GALNT13: variants seen among roughly 807,000 people sequenced by gnomAD.
The protein encoded by GALNT13 is UDP-GalNAc:polypeptide N-acetylgalactosaminyltransferase 13.
In GALNT13, 28 loss-of-function variants were observed where a neutral mutation model predicts 64.2. The ratio of observed to expected loss-of-function variants is 0.44; its 90% CI spans 0.32 to 0.60. The LOEUF is 0.60. GALNT13 is among the 20% of genes least tolerant of loss of function. The pLI is 0.05. For synonymous variants in GALNT13, 214 were observed against 224.6 expected (o/e 0.95, Z 0.42); for missense variants, 577 against 669.8 (o/e 0.86, Z 1.53).
At chr2:153,801,516 G>A in the GALNT13 span, among the ~76,000 whole-genome samples, 1 of 152,058 alleles carries the variant, frequency 6.6e-6, no homozygotes, top group Non-Finnish European at 1.5e-5. Context: ...GCTGGTAGGT[G>A]GAGAAGTCAG....
At chr2:153,172,807 A>G in the GALNT13 span, among the ~76,000 whole-genome samples, 3 of 152,210 alleles carry the variant, frequency 2.0e-5, no homozygotes, top group Non-Finnish European at 4.4e-5. Flanking sequence ...AGGGTAAGGT[A>G]ATCTGAAAAA....
the GALNT13 span, among the ~76,000 whole-genome samples, chr2:153,764,962 A>C: frequency 6.6e-6 from 1 of 152,226 alleles, no homozygotes; most frequent in African/African-American, 2.4e-5. Flanking sequence ...CTGCAGGTGC[A>C]CAGAAGTCAA....
At chr2:153,590,064 GT>G in the GALNT13 span, among the ~76,000 whole-genome samples, 21 of 152,094 alleles carry the variant, frequency 1.4e-4, no homozygotes, top group Non-Finnish European at 5.9e-5. Flanking sequence ...AATAAAGGTA[GT>G]TTTTTAAAAG....
intron 9 of GALNT13, among the ~76,000 whole-genome samples, chr2:154,393,507 C>T (rs1025779685): frequency 6.6e-6 from 1 of 152,154 alleles, no homozygotes; most frequent in East Asian, 1.9e-4. Flanking sequence ...TAATATGTCT[C>T]ACTTCTAAGA....
the GALNT13 span, among the ~76,000 whole-genome samples, chr2:153,678,519 GC>G: frequency 6.6e-6 from 1 of 151,964 alleles, no homozygotes; most frequent in Non-Finnish European, 1.5e-5. Context: ...AGACATGGGG[GC>G]CTACTTGAAG....
chr2:153,243,105 T>C, the GALNT13 span, among the ~76,000 whole-genome samples: 1 of 152,278 alleles, frequency 6.6e-6, no homozygotes, highest in Middle Eastern at 3.4e-3. Flanking sequence ...AGCATGCTCT[T>C]GGTCACCTGG....
chr2:154,153,838 C>G (rs1486791462), intron 4 of GALNT13, among the ~76,000 whole-genome samples: 1 of 152,202 alleles, frequency 6.6e-6, no homozygotes, highest in Non-Finnish European at 1.5e-5. Context: ...ATCTGTCACC[C>G]CTTTCTTTGA....
At chr2:153,327,191 C>T in the GALNT13 span, among the ~76,000 whole-genome samples, 5 of 152,140 alleles carry the variant, frequency 3.3e-5, no homozygotes, top group Non-Finnish European at 7.3e-5. Context: ...GATGGGCTTC[C>T]CTCTGTGGGT....
chr2:153,439,982 C>T, the GALNT13 span, among the ~76,000 whole-genome samples: 1 of 152,076 alleles, frequency 6.6e-6, no homozygotes, highest in South Asian at 2.1e-4. Flanking sequence ...TTAAAACATA[C>T]TTTTAGTTCT....
rs115296444 is a variant in GALNT13, at chr2:154,332,589, T to C, written c.1156+31000T>C. On this transcript the variant is annotated intron_variant, in intron 9 of 12. Coordinates refer to ENST00000392825, the MANE Select transcript of GALNT13 (RefSeq NM_052917.4). ...TGAAACCACAAGTTGAGGAACCTCT[T>C]TATAAGACACCTACCTCTTCTAGTT... 7.0e-3 allele frequency among the ~76,000 whole-genome samples: 1,069 copies of C among 152,226 alleles called. 12 individuals carry two copies. The highest frequency in any genetic ancestry group is 0.025 in the African/African-American group (1,021 of 41,580).
At chr2:154,252,770 GATAGATAGATA>G (rs1267234903) in intron 7 of GALNT13, among the ~76,000 whole-genome samples, 2 of 137,082 alleles carry the variant, frequency 1.5e-5, no homozygotes, top group Non-Finnish European at 3.3e-5. Context: ...TAGATAGATA[GATAGATAGATA>G]ATAGATAAGG....
chr2:154,287,257 C>A, intron 8 of GALNT13: 2 of 866,186 alleles, frequency 2.3e-6, no homozygotes, highest in Non-Finnish European at 3.9e-6. Context: ...TTGCCGACGG[C>A]AACTCCAAGA....
At chr2:153,884,724 GC>G (rs1687016542) in intron 1 of GALNT13, among the ~76,000 whole-genome samples, 1 of 148,812 alleles carries the variant, frequency 6.7e-6, no homozygotes, top group Non-Finnish European at 1.5e-5. Flanking sequence ...TTCAAGACCA[GC>G]CTGGCCAACA....
intron 3 of GALNT13, among the ~76,000 whole-genome samples, chr2:153,953,473 CAAAG>C (rs1199764546): frequency 6.6e-6 from 1 of 152,012 alleles, no homozygotes; most frequent in African/African-American, 2.4e-5. Flanking sequence ...GGAACTGAGA[CAAAG>C]AGAGGGTAAA....
chr2:153,481,964 G>C, the GALNT13 span, among the ~76,000 whole-genome samples: 7 of 152,148 alleles, frequency 4.6e-5, no homozygotes, highest in Non-Finnish European at 8.8e-5. Flanking sequence ...ATGTAAGCAG[G>C]AGTAAGAGTA....
At chr2:154,434,042 G>C (rs1700822290) in intron 11 of GALNT13, among the ~76,000 whole-genome samples, 1 of 152,148 alleles carries the variant, frequency 6.6e-6, no homozygotes, top group Non-Finnish European at 1.5e-5. Flanking sequence ...ACCGTGTGAA[G>C]ACACATGGAG....
At chr2:154,176,442 CG>C (rs1452472467) in intron 4 of GALNT13, among the ~76,000 whole-genome samples, 11 of 151,464 alleles carry the variant, frequency 7.3e-5, no homozygotes, top group Non-Finnish European at 4.4e-5. Context: ...TTAGTAGAGA[CG>C]GGGTTTCACC....
the GALNT13 span, among the ~76,000 whole-genome samples, chr2:153,777,146 G>C: frequency 6.6e-6 from 1 of 152,164 alleles, no homozygotes; most frequent in African/African-American, 2.4e-5. Flanking sequence ...TCAGATGTTA[G>C]TGTCTTCTTT....
At chr2:153,419,669 CACAT>C in the GALNT13 span, among the ~76,000 whole-genome samples, 14 of 152,108 alleles carry the variant, frequency 9.2e-5, no homozygotes, top group Non-Finnish European at 1.9e-4. Flanking sequence ...CATGCACACA[CACAT>C]ACACACACTA....
Sources: gnomAD v4.1 joint callset for allele counts (sites outside exome capture counted in the v4.1 genomes callset) on GRCh38, gnomAD v4.1.1 for gene constraint, MANE v1.5 for transcripts, NCBI Gene and HGNC (gene_info 2026-07-23, HGNC 2026-07-21) for gene names.